Variants in NSUN6 observed in about 807,000 individuals in gnomAD.
NSUN6 encodes NOP2/Sun RNA methyltransferase 6, also known as tRNA (cytosine(72)-C(5))-methyltransferase NSUN6.
In NSUN6, 64 loss-of-function variants were observed where a neutral mutation model predicts 58.0. That is an observed-to-expected ratio of 1.10 (90% CI 0.90 to 1.36). NSUN6 has a LOEUF of 1.36. Among genes scored for constraint, NSUN6 ranks in the 40% most tolerant of loss-of-function variants. NSUN6 has a pLI of 0.00. For synonymous variants in NSUN6, 231 were observed against 193.9 expected (o/e 1.19, Z -1.59); for missense variants, 701 against 550.1 (o/e 1.27, Z -2.74).
upstream of NSUN6, among the ~76,000 whole-genome samples, chr10:18,657,946 C>CT (rs1257109283): frequency 6.8e-6 from 1 of 146,484 alleles, no homozygotes; most frequent in Non-Finnish European, 1.5e-5. Context: ...ATGCTTTGTT[C>CT]TTTTCAGAAA....
At chr10:18,549,948 G>A (rs2054501383) in intron 9 of NSUN6, among the ~76,000 whole-genome samples, 1 of 152,180 alleles carries the variant, frequency 6.6e-6, no homozygotes, top group Non-Finnish European at 1.5e-5. Flanking sequence ...AATAGGTAGA[G>A]CTGTTATCCC....
chr10:18,600,959 T>TATGTATATATATATATATATATAC, intron 6 of NSUN6, among the ~76,000 whole-genome samples: 1 of 64,926 alleles, frequency 1.5e-5, no homozygotes, highest in African/African-American at 5.3e-5. Flanking sequence ...TATATATATA[T>TATGTATATATATATATATATATAC]ACATATATAT....
At chr10:18,572,154 C>T (rs1422124169) in intron 8 of NSUN6, among the ~76,000 whole-genome samples, 2 of 150,034 alleles carry the variant, frequency 1.3e-5, no homozygotes, top group East Asian at 2.0e-4. Context: ...CTCCATTCCA[C>T]TCCACATTCC....
intron 6 of NSUN6, among the ~76,000 whole-genome samples, chr10:18,598,367 GTC>G (rs919896337): frequency 3.3e-5 from 5 of 152,206 alleles, no homozygotes; most frequent in African/African-American, 1.2e-4. Flanking sequence ...CTGTTTGGTG[GTC>G]TCTTCACATG....
upstream of NSUN6, among the ~76,000 whole-genome samples, chr10:18,655,577 TTCTA>T (rs767911471): frequency 2.0e-5 from 3 of 152,160 alleles, no homozygotes; most frequent in Non-Finnish European, 4.4e-5. Context: ...GAGTCAACTT[TTCTA>T]TCTAAGGGAG....
intron 8 of NSUN6, among the ~76,000 whole-genome samples, chr10:18,561,828 A>T (rs1178703143): frequency 6.6e-6 from 1 of 151,192 alleles, no homozygotes; most frequent in African/African-American, 2.4e-5. Flanking sequence ...ATAGAATGGA[A>T]TGGAGAATGT....
At position 18,590,548 on chromosome 10, in the gene NSUN6, C is replaced by A. The variant is rs575290206; in HGVS notation, c.778-4455G>T. On this transcript the variant is annotated intron_variant, in intron 7 of 10. Transcript: ENST00000377304. ...AAATGCAAAAGAATGGAAATCATAA[C>A]AAACAGTCTCTCAGACCACAGTGCA... Among the ~76,000 whole-genome samples, 3 of 152,186 alleles carry A rather than the reference C, an allele frequency of 2.0e-5. No individual in the cohort carries two copies. In the South Asian group the frequency reaches 6.2e-4, roughly 32 times the overall value.
intron 1 of NSUN6, among the ~76,000 whole-genome samples, chr10:18,649,627 C>CAAAAAAAAAAA (rs1267244250): frequency 1.5e-4 from 14 of 96,294 alleles, no homozygotes; most frequent in African/African-American, 5.7e-4. Context: ...GACCCTGTCT[C>CAAAAAAAAAAA]AAAAAAAAAA....
chr10:18,628,554 G>A lies in NSUN6; in HGVS notation c.312-12261C>T, dbSNP rs143131278. Among the ~76,000 whole-genome samples the A allele has an allele frequency of 8.1e-3, 1,237 of 152,266 alleles. 20 individuals carry two copies. Among genetic ancestry groups the A allele is most frequent in the African/African-American group, 0.029 (1,188 of 41,538 alleles). ...ACTAGAATAACCAATACAGAAAAGT[G>A]CTTAAAGGAGCTGAGGGAGCTGAAA... On this transcript the variant is annotated intron_variant, in intron 3 of 10. Coordinates refer to ENST00000377304, the MANE Select transcript of NSUN6 (RefSeq NM_182543.5).
chr10:18,559,895 G>C (rs1327194822), intron 8 of NSUN6, among the ~76,000 whole-genome samples: 1 of 147,400 alleles, frequency 6.8e-6, no homozygotes, highest in Non-Finnish European at 1.5e-5. Flanking sequence ...AATGGAAAGG[G>C]GAATGGAATG....
intron 8 of NSUN6, among the ~76,000 whole-genome samples, chr10:18,558,353 T>C (rs1240015530): frequency 1.2e-4 from 18 of 146,562 alleles, no homozygotes; most frequent in Non-Finnish European, 1.5e-5. Flanking sequence ...TGGGATGGAA[T>C]GGAGAATGGA....
chr10:18,591,159 C>A (rs539351175), intron 7 of NSUN6, among the ~76,000 whole-genome samples: 5 of 152,088 alleles, frequency 3.3e-5, no homozygotes, highest in African/African-American at 7.2e-5. Flanking sequence ...AATTCCTGGA[C>A]ACATACACCC....
chr10:18,584,726 T>C (rs950924739), intron 8 of NSUN6, among the ~76,000 whole-genome samples: 1 of 152,044 alleles, frequency 6.6e-6, no homozygotes, highest in Non-Finnish European at 1.5e-5. Context: ...CACAACCAGA[T>C]ACATCATCGT....
chr10:18,564,344 T>G (rs2055765309), intron 8 of NSUN6, among the ~76,000 whole-genome samples: 1 of 151,374 alleles, frequency 6.6e-6, no homozygotes, highest in Non-Finnish European at 1.5e-5. Context: ...CTCCATTGCA[T>G]TCCATTCTCC....
intron 8 of NSUN6, among the ~76,000 whole-genome samples, chr10:18,573,414 G>T (rs556157279): frequency 6.9e-6 from 1 of 145,550 alleles, no homozygotes; most frequent in African/African-American, 2.5e-5. Context: ...CCATTCCATC[G>T]GTTCCATTTT....
chr10:18,650,012 AAG>A (rs1177114355), intron 1 of NSUN6, among the ~76,000 whole-genome samples: 29 of 152,196 alleles, frequency 1.9e-4, no homozygotes, highest in African/African-American at 6.0e-4. Context: ...TACTCTAACT[AAG>A]AAAACTAAAG....
intron 2 of NSUN6, among the ~76,000 whole-genome samples, chr10:18,644,858 A>G (rs2059496654): frequency 6.7e-6 from 1 of 149,138 alleles, no homozygotes; most frequent in South Asian, 2.1e-4. Context: ...AACAAAAAAA[A>G]AAAACTGAAA....
chr10:18,549,522 A>C (rs139488945), intron 9 of NSUN6, among the ~76,000 whole-genome samples: 118 of 152,210 alleles, frequency 7.8e-4, no homozygotes, highest in African/African-American at 2.8e-3. Context: ...TATACTAAAA[A>C]ACTCATTTAT....
intron 6 of NSUN6, among the ~76,000 whole-genome samples, chr10:18,600,961 C>CAA (rs1440184919): frequency 6.3e-5 from 3 of 47,814 alleles, no homozygotes; most frequent in South Asian, 7.9e-4. Context: ...TATATATATA[C>CAA]ATATATATAT....
Sources: gnomAD v4.1 joint callset for allele counts (sites outside exome capture counted in the v4.1 genomes callset) on GRCh38, gnomAD v4.1.1 for gene constraint, MANE v1.5 for transcripts, NCBI Gene and HGNC (gene_info 2026-07-23, HGNC 2026-07-21) for gene names.